GALNT13: variants seen among roughly 807,000 people sequenced by gnomAD.
GALNT13 encodes the protein UDP-GalNAc:polypeptide N-acetylgalactosaminyltransferase 13.
A neutral mutation model predicts 64.2 loss-of-function variants in GALNT13; 28 were observed. That is an observed-to-expected ratio of 0.44 (90% CI 0.32 to 0.60). The LOEUF (loss-of-function observed/expected upper bound fraction) is 0.60. Among genes scored for constraint, GALNT13 ranks in the 20% least tolerant of loss-of-function variants. The pLI, the probability that GALNT13 is intolerant of heterozygous loss-of-function variation, is 0.05. For missense variants in GALNT13, 577 were observed against 669.8 expected (o/e 0.86, Z 1.53); for synonymous variants, 214 against 224.6 (o/e 0.95, Z 0.42).
At chr2:153,450,514 T>C in the GALNT13 span, among the ~76,000 whole-genome samples, 1 of 152,136 alleles carries the variant, frequency 6.6e-6, no homozygotes, top group Non-Finnish European at 1.5e-5. Flanking sequence ...GTTCTTTAGA[T>C]GATGTATTGG....
chr2:153,863,851 CAT>C, the GALNT13 span, among the ~76,000 whole-genome samples: 3 of 152,060 alleles, frequency 2.0e-5, no homozygotes, highest in Non-Finnish European at 2.9e-5. Flanking sequence ...GAGGTATGAC[CAT>C]ATGGTATATG....
the GALNT13 span, among the ~76,000 whole-genome samples, chr2:153,742,346 C>T: frequency 0.082 from 12,492 of 151,904 alleles, 1,130 homozygotes; most frequent in African/African-American, 0.22. Flanking sequence ...CTGAATAATA[C>T]TTCATTGTGT....
chr2:153,361,343 G>A, the GALNT13 span, among the ~76,000 whole-genome samples: 6 of 152,208 alleles, frequency 3.9e-5, no homozygotes, highest in African/African-American at 7.2e-5. Context: ...TCCAGCGAGG[G>A]CACAGAACTA....
At chr2:153,455,983 C>T in the GALNT13 span, among the ~76,000 whole-genome samples, 1 of 152,164 alleles carries the variant, frequency 6.6e-6, no homozygotes, top group African/African-American at 2.4e-5. Flanking sequence ...CCCTGAAGTC[C>T]GGCCCTCTCC....
the GALNT13 span, among the ~76,000 whole-genome samples, chr2:153,325,749 T>A: frequency 6.6e-6 from 1 of 152,212 alleles, no homozygotes; most frequent in Non-Finnish European, 1.5e-5. Context: ...TTAATTTTGT[T>A]ATTTACCCCG....
At chr2:154,428,791 T>A (rs707063) in intron 11 of GALNT13, among the ~76,000 whole-genome samples, 15,970 of 151,546 alleles carry the variant, frequency 0.11, 1,145 homozygotes, top group East Asian at 0.23. Flanking sequence ...TTTTTTTTTT[T>A]TTTTATTTGA....
chr2:153,735,821 A>T, the GALNT13 span, among the ~76,000 whole-genome samples: 20 of 152,214 alleles, frequency 1.3e-4, no homozygotes, highest in African/African-American at 4.8e-4. Context: ...CACAGAAGTG[A>T]TGCTGTGTTC....
the GALNT13 span, among the ~76,000 whole-genome samples, chr2:153,283,800 G>A: frequency 6.6e-6 from 1 of 152,060 alleles, no homozygotes; most frequent in African/African-American, 2.4e-5. Flanking sequence ...ATACTTTGAA[G>A]TGTGCCTGGG....
chr2:154,419,467 G>A (rs1700160225), intron 11 of GALNT13, among the ~76,000 whole-genome samples: 2 of 151,956 alleles, frequency 1.3e-5, no homozygotes, highest in Admixed American at 6.6e-5. Context: ...CATTTTGATT[G>A]TTAACATCTA....
In GALNT13 at chr2:154,380,745, C is replaced by T. The variant is rs746441467; in HGVS notation, c.1157-15246C>T. ...TATTTCTCAAGAGTCTAGGGATGGC[C>T]TAGCTGGGGCCTCTGCTTCAGGGTC... On this transcript the variant is annotated intron_variant, in intron 9 of 12. Transcript: ENST00000392825. Among the ~76,000 whole-genome samples, 4 of 152,004 alleles carry T rather than the reference C, an allele frequency of 2.6e-5. No individual in the cohort carries two copies. The East Asian group carries it at 7.7e-4, about 29-fold the overall frequency.
chr2:153,904,254 G>A (rs760922365), intron 2 of GALNT13, among the ~76,000 whole-genome samples: 19 of 151,704 alleles, frequency 1.3e-4, no homozygotes, highest in Admixed American at 3.3e-4. Context: ...TTCTAGGTTT[G>A]GGCCATTACC....
the GALNT13 span, among the ~76,000 whole-genome samples, chr2:153,493,285 CAGAG>C: frequency 6.6e-6 from 1 of 151,430 alleles, no homozygotes; most frequent in African/African-American, 2.4e-5. Context: ...CACTGTTTCA[CAGAG>C]AGAGAGAAAA....
At chr2:154,357,793 C>T (rs552138475) in intron 9 of GALNT13, among the ~76,000 whole-genome samples, 6 of 152,022 alleles carry the variant, frequency 3.9e-5, no homozygotes, top group Non-Finnish European at 5.9e-5. Flanking sequence ...TAGATAACAT[C>T]GGTCTTTCAG....
the GALNT13 span, among the ~76,000 whole-genome samples, chr2:153,565,205 A>G: frequency 6.6e-6 from 1 of 152,150 alleles, no homozygotes; most frequent in Non-Finnish European, 1.5e-5. Flanking sequence ...TCCATAGAAA[A>G]CAAATACAAC....
chr2:153,154,697 G>A, the GALNT13 span, among the ~76,000 whole-genome samples: 1 of 152,026 alleles, frequency 6.6e-6, no homozygotes, highest in Non-Finnish European at 1.5e-5. Flanking sequence ...TTGGCATCCT[G>A]TCTTTCCATT....
At chr2:153,474,014 G>C in the GALNT13 span, among the ~76,000 whole-genome samples, 2 of 152,146 alleles carry the variant, frequency 1.3e-5, no homozygotes, top group African/African-American at 2.4e-5. Context: ...ATGCGTAATC[G>C]ATCAGGTTAA....
chr2:153,268,777 T>A, the GALNT13 span, among the ~76,000 whole-genome samples: 1 of 152,240 alleles, frequency 6.6e-6, no homozygotes, highest in African/African-American at 2.4e-5. Context: ...TCTGTGCACC[T>A]GCAGGCCCAA....
chr2:153,195,692 C>T, the GALNT13 span, among the ~76,000 whole-genome samples: 2 of 152,218 alleles, frequency 1.3e-5, no homozygotes, highest in African/African-American at 4.8e-5. Flanking sequence ...ATGTGGCGAG[C>T]AAGGGACATG....
the GALNT13 span, among the ~76,000 whole-genome samples, chr2:153,407,052 A>G: frequency 3.2e-3 from 488 of 152,244 alleles, 3 homozygotes; most frequent in Non-Finnish European, 5.1e-3. Flanking sequence ...TATAAAGATT[A>G]TTCCAAAAGC....
Sources: gnomAD v4.1 joint callset for allele counts (sites outside exome capture counted in the v4.1 genomes callset) on GRCh38, gnomAD v4.1.1 for gene constraint, MANE v1.5 for transcripts, NCBI Gene and HGNC (gene_info 2026-07-23, HGNC 2026-07-21) for gene names.